The following GMDS variants were observed in gnomAD, a reference collection of about 807,000 sequenced individuals.
GMDS encodes GDP-mannose 4,6 dehydratase.
GMDS carries 20 observed loss-of-function variants against 49.9 expected under a neutral mutation model. The ratio of observed to expected loss-of-function variants is 0.40; its 90% CI spans 0.28 to 0.58. GMDS has a LOEUF of 0.58. Among genes scored for constraint, GMDS ranks in the 20% least tolerant of loss-of-function variants. The pLI is 0.42. For missense variants in GMDS, 362 were observed against 481.4 expected (o/e 0.75, Z 2.32); for synonymous variants, 177 against 178.6 (o/e 0.99, Z 0.07).
intron 7 of GMDS, among the ~76,000 whole-genome samples, chr6:1,758,032 T>G (rs2113540896): frequency 6.6e-6 from 1 of 152,350 alleles, no homozygotes; most frequent in Admixed American, 6.5e-5. Context: ...AGAGGCACAA[T>G]TTGAGTGCTC....
chr6:2,034,843 CA>C (rs2127420682), intron 4 of GMDS, among the ~76,000 whole-genome samples: 1 of 152,266 alleles, frequency 6.6e-6, no homozygotes, highest in African/African-American at 2.4e-5. Flanking sequence ...AATGCAGAAG[CA>C]GATAGGAGAA....
intron 9 of GMDS, among the ~76,000 whole-genome samples, chr6:1,701,487 T>G (rs1765542697): frequency 6.6e-6 from 1 of 152,090 alleles, no homozygotes; most frequent in Non-Finnish European, 1.5e-5. Flanking sequence ...TTCCCATTCA[T>G]CGACAGAGCA....
chr6:1,710,230 A>G (rs965085633), intron 9 of GMDS, among the ~76,000 whole-genome samples: 9 of 152,188 alleles, frequency 5.9e-5, no homozygotes, highest in African/African-American at 1.7e-4. Flanking sequence ...GCTTTTTATT[A>G]CTACCCTCCA....
chr6:1,749,691 T>C (rs1391489358), intron 7 of GMDS, among the ~76,000 whole-genome samples: 1 of 152,222 alleles, frequency 6.6e-6, no homozygotes, highest in Non-Finnish European at 1.5e-5. Flanking sequence ...TGAGGATAGT[T>C]TCTGCTTCTC....
intron 4 of GMDS, among the ~76,000 whole-genome samples, chr6:2,077,409 C>T (rs905004543): frequency 5.3e-5 from 8 of 152,212 alleles, no homozygotes; most frequent in African/African-American, 1.7e-4. Flanking sequence ...ATGATGTTAG[C>T]TGTGAGTTTG....
intron 1 of GMDS, among the ~76,000 whole-genome samples, chr6:2,234,901 G>A (rs193193986): frequency 2.4e-4 from 37 of 152,016 alleles, no homozygotes; most frequent in African/African-American, 8.4e-4. Context: ...CAAGGTGGGC[G>A]GATCACCTGA....
At chr6:2,233,998 T>C (rs1438594218) in intron 1 of GMDS, among the ~76,000 whole-genome samples, 1 of 152,206 alleles carries the variant, frequency 6.6e-6, no homozygotes, top group Non-Finnish European at 1.5e-5. Flanking sequence ...ATTCAATAAA[T>C]ATCTATTGAG....
chr6:1,838,045 G>A (rs866958674), intron 7 of GMDS, among the ~76,000 whole-genome samples: 5 of 152,298 alleles, frequency 3.3e-5, no homozygotes, highest in Non-Finnish European at 7.3e-5. Context: ...GGCATTTTAT[G>A]CTATTGGTGC....
At chr6:1,882,690 T>C (rs1386063052) in intron 7 of GMDS, among the ~76,000 whole-genome samples, 1 of 152,218 alleles carries the variant, frequency 6.6e-6, no homozygotes. Context: ...AACACAATTA[T>C]TACTGCTGAT....
chr6:1,742,662 A>T, intron 7 of GMDS, 76 bp from the exon 8 acceptor site: 2 of 771,276 alleles, frequency 2.6e-6, no homozygotes, highest in Admixed American at 3.9e-5. Context: ...GCACATAATC[A>T]GATATGGACA....
chr6:1,820,499 A>G (rs1393165166), intron 7 of GMDS, among the ~76,000 whole-genome samples: 1 of 152,206 alleles, frequency 6.6e-6, no homozygotes, highest in African/African-American at 2.4e-5. Flanking sequence ...AAAATTTAGA[A>G]TAACTTTTGC....
rs3800089 is a variant in GMDS, at chr6:1,837,026, G to A, written c.771+93077C>T. Among the ~76,000 whole-genome samples the A allele has an allele frequency of 4.1e-4, 62 of 152,270 alleles. No individual in the cohort carries two copies. In the East Asian group the frequency reaches 0.011, roughly 27 times the overall value. On this transcript the variant is annotated intron_variant, in intron 7 of 10. Coordinates refer to ENST00000380815, the MANE Select transcript of GMDS (RefSeq NM_001500.4). The stretch of plus-strand genomic sequence containing the variant: ...GTCTTTATATTTCATTTCAGTTTCC[G>A]CTAACTCTTGCAATTACGTTCATAC...
At chr6:2,107,682 C>T (rs1355417031) in intron 4 of GMDS, among the ~76,000 whole-genome samples, 1 of 152,184 alleles carries the variant, frequency 6.6e-6, no homozygotes, top group Non-Finnish European at 1.5e-5. Context: ...CGTAACATTA[C>T]TTGACCGTAG....
intron 6 of GMDS, among the ~76,000 whole-genome samples, chr6:1,956,266 T>C (rs944447224): frequency 3.3e-5 from 5 of 152,122 alleles, no homozygotes; most frequent in Admixed American, 1.3e-4. Context: ...CAAGACTCCA[T>C]AGATGAAAGC....
At chr6:2,140,931 C>T (rs2127527899) in intron 1 of GMDS, among the ~76,000 whole-genome samples, 1 of 152,242 alleles carries the variant, frequency 6.6e-6, no homozygotes, top group African/African-American at 2.4e-5. Context: ...GAACTCTGCC[C>T]TGATGGAACC....
At chr6:1,970,973 C>T (rs1321180605) in intron 4 of GMDS, among the ~76,000 whole-genome samples, 3 of 146,444 alleles carry the variant, frequency 2.0e-5, no homozygotes, top group Non-Finnish European at 4.5e-5. Flanking sequence ...AAAGTAGGGT[C>T]CATGGGGGTG....
At chr6:2,236,419 G>A (rs72830186) in intron 1 of GMDS, among the ~76,000 whole-genome samples, 2,297 of 152,320 alleles carry the variant, frequency 0.015, 27 homozygotes, top group Non-Finnish European at 0.023. Context: ...TTGACAAACA[G>A]GGTTTCTGCT....
At chr6:1,970,612 A>C (rs1192010314) in intron 4 of GMDS, among the ~76,000 whole-genome samples, 1 of 152,200 alleles carries the variant, frequency 6.6e-6, no homozygotes, top group Non-Finnish European at 1.5e-5. Flanking sequence ...AGCCTGCCTT[A>C]TGGGTGTCGA....
chr6:2,098,635 C>G (rs1773749171), intron 4 of GMDS, among the ~76,000 whole-genome samples: 1 of 152,076 alleles, frequency 6.6e-6, no homozygotes. Context: ...TATAAATAAA[C>G]TTATAAAAGC....
Sources: gnomAD v4.1 joint callset for allele counts (sites outside exome capture counted in the v4.1 genomes callset) on GRCh38, gnomAD v4.1.1 for gene constraint, MANE v1.5 for transcripts, NCBI Gene and HGNC (gene_info 2026-07-23, HGNC 2026-07-21) for gene names.